GSK3B: variants seen among roughly 807,000 people sequenced by gnomAD.
The protein encoded by GSK3B is glycogen synthase kinase 3 beta.
In GSK3B, 15 loss-of-function variants were observed where a neutral mutation model predicts 56.4. The ratio of observed to expected loss-of-function variants is 0.27; its 90% CI spans 0.18 to 0.41. The LOEUF (loss-of-function observed/expected upper bound fraction) is 0.41, where lower values mean the gene tolerates loss of function less well. Among genes scored for constraint, GSK3B ranks in the 10% least tolerant of loss-of-function variants. GSK3B has a pLI of 1.00. For synonymous variants in GSK3B, 181 were observed against 188.9 expected (o/e 0.96, Z 0.34); for missense variants, 300 against 513.4 (o/e 0.58, Z 4.02).
chr3:119,918,089 G>T (rs2056799454), intron 4 of GSK3B, among the ~76,000 whole-genome samples: 3 of 152,266 alleles, frequency 2.0e-5, no homozygotes, highest in Admixed American at 6.5e-5. Flanking sequence ...ATATTCTGTA[G>T]TGGTTTGAGT....
intron 1 of GSK3B, among the ~76,000 whole-genome samples, chr3:120,089,351 C>T (rs550343547): frequency 6.6e-6 from 1 of 152,286 alleles, no homozygotes; most frequent in South Asian, 2.1e-4. Context: ...TGGGAAATGA[C>T]TGAAAATAAA....
Position 120,093,719 on chromosome 3 carries a change from G to A in GSK3B, c.-285C>T, listed in dbSNP as rs2058535118. 3 of 331,132 alleles carry A rather than the reference G, an allele frequency of 9.1e-6. No homozygotes were observed. Among genetic ancestry groups the A allele is most frequent in the Non-Finnish European group, 1.6e-5 (3 of 181,976 alleles). The allele number at this position is 331,132 out of a possible 1,614,324, so 20.5% of individuals were successfully genotyped here. ...TTCCCCTCCCTTTCCTGGGAGGAGA[G>A]AAAAGAGAGGGCAAATCCTAAAAAA... On this transcript the variant is annotated 5_prime_UTR_variant, in exon 1 of 11. Transcript: ENST00000264235.
intron 2 of GSK3B, among the ~76,000 whole-genome samples, chr3:119,947,987 A>G (rs1381234897): frequency 6.6e-6 from 1 of 152,186 alleles, no homozygotes; most frequent in Admixed American, 6.5e-5. Flanking sequence ...ATTCTTCAAA[A>G]AAAGAAATCA....
intron 2 of GSK3B, among the ~76,000 whole-genome samples, chr3:119,962,172 T>G (rs1452428194): frequency 7.9e-5 from 12 of 152,044 alleles, no homozygotes; most frequent in Admixed American, 7.2e-4. Flanking sequence ...GGTCGGGAGT[T>G]CGAGACCAGC....
chr3:119,890,663 T>G (rs540767638), intron 7 of GSK3B, among the ~76,000 whole-genome samples: 1 of 151,968 alleles, frequency 6.6e-6, no homozygotes, highest in Non-Finnish European at 1.5e-5. Flanking sequence ...GGCATGTTTG[T>G]TGGAATTTAC....
rs557238177 is a variant in GSK3B at position 119,888,327 on chromosome 3, T to C, written c.814-11819A>G. On this transcript the variant is annotated intron_variant, in intron 7 of 10. Coordinates refer to ENST00000264235, the MANE Select transcript of GSK3B (RefSeq NM_001146156.2). ...AAATTGTGAAGATTTCATTTTAATA[T>C]GGACATTTATCAGTTCCCAAATAAT... Among the ~76,000 whole-genome samples, 746 of 152,298 alleles carry C rather than the reference T, an allele frequency of 4.9e-3. 7 individuals are homozygous for C. Among genetic ancestry groups the C allele is most frequent in the Non-Finnish European group, 8.6e-3 (583 of 68,018 alleles).
At position 119,826,377 on chromosome 3, in the gene GSK3B, T is replaced by C. The variant is rs746478791; in HGVS notation, c.*411A>G. On this transcript the variant is annotated 3_prime_UTR_variant, in exon 11 of 11. Coordinates refer to ENST00000264235, the MANE Select transcript of GSK3B (RefSeq NM_001146156.2). ...TATACCAAAGTCTCACACTAGACTT[T>C]AAAAGAAAACAAAGTTCAAAAAAAC... 1.2e-5 allele frequency: 5 copies of C among 415,102 alleles called. No homozygotes were observed. Among genetic ancestry groups the C allele is most frequent in the African/African-American group, 2.0e-5 (1 of 49,996 alleles). 25.7% of individuals were successfully genotyped at this position (415,102 alleles called of 1,614,324 possible). A position where few individuals can be genotyped will look rare whatever the true frequency, so the allele number is the denominator to read the frequency against.
At chr3:119,852,327 T>G (rs867532001) in intron 9 of GSK3B, among the ~76,000 whole-genome samples, 2 of 152,104 alleles carry the variant, frequency 1.3e-5, no homozygotes, top group African/African-American at 4.8e-5. Context: ...AGTGATGTAC[T>G]TGAAAATCTT....
chr3:119,953,564 C>CT (rs2057180106), intron 2 of GSK3B, among the ~76,000 whole-genome samples: 1 of 152,192 alleles, frequency 6.6e-6, no homozygotes, highest in South Asian at 2.1e-4. Flanking sequence ...GAGAGACCCA[C>CT]TGCCTACAAG....
At chr3:119,997,893 T>C (rs2057638816) in intron 2 of GSK3B, among the ~76,000 whole-genome samples, 3 of 152,164 alleles carry the variant, frequency 2.0e-5, no homozygotes. Context: ...ACCTACTACT[T>C]GGGGAAAGGT....
At chr3:119,929,915 A>T (rs1407027523) in intron 3 of GSK3B, among the ~76,000 whole-genome samples, 1 of 148,478 alleles carries the variant, frequency 6.7e-6, no homozygotes, top group Non-Finnish European at 1.5e-5. Flanking sequence ...AAAAAAAAAA[A>T]AAAATAATAA....
chr3:120,030,217 G>C (rs905008898), intron 1 of GSK3B, among the ~76,000 whole-genome samples: 1 of 152,130 alleles, frequency 6.6e-6, no homozygotes, highest in African/African-American at 2.4e-5. Flanking sequence ...GGTTCTTCTA[G>C]GCTTGGTCCT....
intron 2 of GSK3B, among the ~76,000 whole-genome samples, 162 bp downstream of exon 2, chr3:120,001,884 A>G (rs1252712396): frequency 6.6e-6 from 1 of 152,254 alleles, no homozygotes; most frequent in Non-Finnish European, 1.5e-5. Context: ...TGTTATCTCT[A>G]CAAAATACAT....
At chr3:119,866,477 T>C (rs760426617) in intron 8 of GSK3B, 2 of 758,030 alleles carry the variant, frequency 2.6e-6, no homozygotes, top group South Asian at 1.5e-5. Flanking sequence ...GCTACTTACA[T>C]TGTTTACTAT....
chr3:119,939,261 G>A lies in GSK3B; in HGVS notation c.366+8007C>T, dbSNP rs148561299. On this transcript the variant is annotated intron_variant, in intron 3 of 10. Coordinates refer to ENST00000264235, the MANE Select transcript of GSK3B (RefSeq NM_001146156.2). ...TATTCTGACAATTGCACATACTTTG[G>A]GCAAGGCTAGAACATAGATAGCCTG... is the stretch of plus-strand genomic sequence containing the variant. 1.9e-3 allele frequency among the ~76,000 whole-genome samples: 284 copies of A among 152,142 alleles called. 1 individual carries two copies. Among genetic ancestry groups the A allele is most frequent in the African/African-American group, 6.5e-3 (269 of 41,526 alleles).
intron 7 of GSK3B, among the ~76,000 whole-genome samples, chr3:119,886,675 T>C (rs369921853): frequency 6.6e-6 from 1 of 152,094 alleles, no homozygotes; most frequent in Non-Finnish European, 1.5e-5. Context: ...ATATACACCA[T>C]AGAATACCAT....
chr3:119,973,177 C>T (rs1007856291), intron 2 of GSK3B, among the ~76,000 whole-genome samples: 3 of 152,222 alleles, frequency 2.0e-5, no homozygotes, highest in Non-Finnish European at 2.9e-5. Flanking sequence ...ACTACTACTA[C>T]ATTAGTCTCT....
At chr3:120,005,413 GGAAATACA>G (rs1251559563) in intron 1 of GSK3B, among the ~76,000 whole-genome samples, 1 of 152,056 alleles carries the variant, frequency 6.6e-6, no homozygotes, top group African/African-American at 2.4e-5. Flanking sequence ...TTCAAATTCA[GGAAATACA>G]GAGACCACCA....
At chr3:120,061,871 TAC>T (rs879476326) in intron 1 of GSK3B, among the ~76,000 whole-genome samples, 3 of 152,154 alleles carry the variant, frequency 2.0e-5, no homozygotes, top group Non-Finnish European at 4.4e-5. Flanking sequence ...TAGCTGGCAT[TAC>T]AGGCATGTGC....
Sources: gnomAD v4.1 joint callset for allele counts (sites outside exome capture counted in the v4.1 genomes callset) on GRCh38, gnomAD v4.1.1 for gene constraint, MANE v1.5 for transcripts, NCBI Gene and HGNC (gene_info 2026-07-23, HGNC 2026-07-21) for gene names.